Variants in PRR12 observed in about 807,000 individuals in gnomAD.
PRR12 encodes proline rich 12, also known as proline-rich protein 12.
In PRR12, 12 loss-of-function variants were observed where a neutral mutation model predicts 138.0. The observed-to-expected ratio is 0.09, with a 90% CI of 0.06 to 0.14. The LOEUF (loss-of-function observed/expected upper bound fraction) is 0.14, where lower values mean the gene tolerates loss of function less well. Ranked by LOEUF, PRR12 falls within the 10% of genes least tolerant of loss-of-function variation. The pLI is 1.00. For missense variants in PRR12, 2,692 were observed against 2,861.3 expected (o/e 0.94, Z 1.35); for synonymous variants, 1,567 against 1,291.7 (o/e 1.21, Z -4.57).
chr19:49,612,222 CTGTCTCA>C (rs1456464183), intron 6 of PRR12, among the ~76,000 whole-genome samples: 19 of 140,440 alleles, frequency 1.4e-4, no homozygotes, highest in East Asian at 1.3e-3. Flanking sequence ...GAGCAAGACT[CTGTCTCA>C]AAAAAAAAAA....
intron 11 of PRR12, chr19:49,621,903 T>C: frequency 2.1e-6 from 1 of 471,330 alleles, no homozygotes; most frequent in Non-Finnish European, 3.9e-6. Context: ...AAACATAGAC[T>C]AGGCCTGCAC....
rs775902776 is a variant in PRR12 at position 49,594,954 on chromosome 19, C to T, written c.619C>T (p.Arg207Cys). The T allele has an allele frequency of 6.2e-6, 10 of 1,600,932 alleles. No individual in the cohort carries two copies. Among genetic ancestry groups the T allele is most frequent in the South Asian group, 3.4e-5 (3 of 89,358 alleles). ...PTVPSSLGFE[R>C]LAGGGVLGPA... The stretch of plus-strand genomic sequence containing the variant: ...GGTGCCCTCTTCACTGGGCTTCGAG[C>T]GCCTGGCAGGGGGCGGTGTCTTGGG... Residue 207 changes from arginine (R) to cysteine (C), a missense_variant, in exon 4 of 14, where the codon CGC (arginine) becomes TGC (cysteine). Physicochemically the swap from Arg to Cys is radical, Grantham distance 180. Transcript: ENST00000418929. This position sits in a 1 kb window ranked among gnomAD's most constrained non-coding sequence, Gnocchi z 5.6.
chr19:49,592,783 T>C (rs958895331), intron 1 of PRR12, among the ~76,000 whole-genome samples: 1 of 152,010 alleles, frequency 6.6e-6, no homozygotes, highest in African/African-American at 2.4e-5. Flanking sequence ...TTTCCCCAGG[T>C]CTTATTCCCT....
rs979822954 is a variant in PRR12 at position 49,614,105 on chromosome 19, G to A, written c.4774-428G>A. On this transcript the variant is annotated intron_variant, in intron 6 of 13. Transcript: ENST00000418929. This position sits in a 1 kb window ranked among gnomAD's most constrained non-coding sequence, Gnocchi z 5.0. ...ACCTGGGCAACAAGAGCAAAACTCC[G>A]TCTCAAAAAAAGAAAAAGTAAAAAG... 5.9e-5 allele frequency among the ~76,000 whole-genome samples: 9 copies of A among 152,182 alleles called. No individual in the cohort carries two copies. In the South Asian group the frequency reaches 1.9e-3, roughly 32 times the overall value.
Position 49,622,928 on chromosome 19 carries a change from TAGAG to T in PRR12, c.5721+1332_5721+1335del, listed in dbSNP as rs1312571676. On this transcript the variant is annotated intron_variant, in intron 11 of 13. Transcript: ENST00000418929. Reference sequence around the variant, plus strand: ...AAAAACATATATATATATATATATATAGAGAGAGAGAGAGAGAGAGAGAGAGAGA... The same window carrying T: ...AAAAACATATATATATATATATATATAGAGAGAGAGAGAGAGAGAGAGAGA... 1.0e-2 allele frequency among the ~76,000 whole-genome samples: 777 copies of T among 77,730 alleles called. 8 individuals carry two copies. Among genetic ancestry groups the T allele is most frequent in the Middle Eastern group, 0.042 (5 of 118 alleles). The allele number at this position is 77,730 out of a possible 152,430, so 51.0% of individuals were successfully genotyped here. A position where few individuals can be genotyped will look rare whatever the true frequency, so the allele number is the denominator to read the frequency against.
At chr19:49,606,558 C>A (rs367579020) in intron 6 of PRR12, among the ~76,000 whole-genome samples, 1 of 151,296 alleles carries the variant, frequency 6.6e-6, no homozygotes, top group African/African-American at 2.4e-5. Context: ...CCGCCTCCCC[C>A]GCCCCCCAAC....
intron 2 of PRR12, among the ~76,000 whole-genome samples, chr19:49,593,857 T>A (rs1268168538): frequency 6.6e-6 from 1 of 152,216 alleles, no homozygotes; most frequent in Admixed American, 6.5e-5. Flanking sequence ...TATCTTATTT[T>A]GCCCCATTGC....
chr19:49,594,695 A>C lies in PRR12; in HGVS notation c.362-2A>C. 1 of 1,610,250 alleles carries C rather than the reference A, an allele frequency of 6.2e-7. No individual in the cohort carries two copies. The highest frequency in any genetic ancestry group is 1.7e-5 in the Admixed American group (1 of 59,500). ...CTGACGCGCGGTCTTCCTCATCTCC[A>C]GCCATGCACACGCCAGGCCCCACGG... On this transcript the variant is annotated splice_acceptor_variant, in intron 3 of 13. Transcript: ENST00000418929. LOFTEE classifies it high-confidence loss of function. This position sits in a 1 kb window ranked among gnomAD's most constrained non-coding sequence, Gnocchi z 5.6.
chr19:49,610,823 G>A (rs1330848887), intron 6 of PRR12, among the ~76,000 whole-genome samples: 1 of 151,924 alleles, frequency 6.6e-6, no homozygotes, highest in Non-Finnish European at 1.5e-5. Context: ...GATTACAGAT[G>A]TGAGCCACTG....
intron 11 of PRR12, among the ~76,000 whole-genome samples, chr19:49,623,943 G>A (rs939680317): frequency 3.3e-5 from 5 of 151,424 alleles, no homozygotes; most frequent in African/African-American, 1.2e-4. Context: ...GGTTAGGATG[G>A]GGCTGGGAAT....
chr19:49,614,804 A>G lies in PRR12; in HGVS notation c.4891-72A>G, dbSNP rs11878999. On this transcript the variant is annotated intron_variant, in intron 7 of 13. Coordinates refer to ENST00000418929, the MANE Select transcript of PRR12 (RefSeq NM_020719.3). This position sits in a 1 kb window ranked among gnomAD's most constrained non-coding sequence, Gnocchi z 5.0. The stretch of plus-strand genomic sequence containing the variant: ...CTCCAAGCAGCTGCCATGGTGGCCC[A>G]GGGCACGGGGGTGTTGGCCATCTGG... The G allele has an allele frequency of 3.9e-3, 6,219 of 1,603,898 alleles. 221 individuals carry two copies. In the African/African-American group the frequency reaches 0.071, roughly 18 times the overall value.
Position 49,593,361 on chromosome 19 carries a change from G to C in PRR12, c.121G>C (p.Glu41Gln). 6.2e-7 allele frequency: 1 copy of C among 1,607,582 alleles called. No individual in the cohort carries two copies. The highest frequency in any genetic ancestry group is 1.4e-5 in the African/African-American group (1 of 73,360). Reference sequence around the variant, plus strand: ...TGGCAGCTCCAGGACCTCGCACCCCGAGACGGACATCTTACACCGCCAGGC... The same window carrying C: ...TGGCAGCTCCAGGACCTCGCACCCCCAGACGGACATCTTACACCGCCAGGC... ...VYGSSRTSHP[E>Q]TDILHRQAYA... is the part of the protein sequence containing the mutation. Residue 41 changes from glutamate to glutamine, a missense_variant, in exon 2 of 14, where the codon GAG becomes CAG. Transcript: ENST00000418929.
Position 49,597,792 on chromosome 19 carries a change from C to A in PRR12, c.3457C>A (p.Arg1153=). 1.3e-6 allele frequency: 2 copies of A among 1,578,498 alleles called. No homozygotes were observed. Among genetic ancestry groups the A allele is most frequent in the East Asian group, 2.3e-5 (1 of 43,872 alleles). ...CPPNPGPDGP[R]RRGRKPTKAK... ...ACCCAACCCAGGACCCGATGGCCCC[C>A]GGCGCCGTGGCCGCAAGCCCACGAA... The change falls in exon 4 of 14, where the codon CGG becomes AGG. Residue 1153 remains arginine (R), a synonymous_variant. Coordinates refer to ENST00000418929, the MANE Select transcript of PRR12 (RefSeq NM_020719.3). This position sits in a 1 kb window ranked among gnomAD's most constrained non-coding sequence, Gnocchi z 6.3.
rs969165920 is a variant in PRR12 at position 49,626,256 on chromosome 19, T to A, written c.*649T>A. The stretch of plus-strand genomic sequence containing the variant: ...CCCACCCACTGCCCATCCCCCATTG[T>A]TGTCTGGATGTGGTTCTATTTTTTA... On this transcript the variant is annotated 3_prime_UTR_variant, in exon 14 of 14. Coordinates refer to ENST00000418929, the MANE Select transcript of PRR12 (RefSeq NM_020719.3). 2 of 151,702 alleles carry A rather than the reference T, an allele frequency of 1.3e-5. No individual in the cohort carries two copies. Among genetic ancestry groups the A allele is most frequent in the African/African-American group, 4.8e-5 (2 of 41,284 alleles). 9.4% of individuals were successfully genotyped at this position (151,702 alleles called of 1,614,324 possible).
At position 49,594,332 on chromosome 19, in the gene PRR12, G is replaced by C. The variant is rs548294642; in HGVS notation, c.200-122G>C. 1.9e-4 allele frequency: 161 copies of C among 834,660 alleles called. No individual in the cohort carries two copies. The highest frequency in any genetic ancestry group is 5.4e-6 in the Non-Finnish European group (3 of 551,766). 51.7% of individuals were successfully genotyped at this position (834,660 alleles called of 1,614,324 possible). On this transcript the variant is annotated intron_variant, in intron 2 of 13. Coordinates refer to ENST00000418929, the MANE Select transcript of PRR12 (RefSeq NM_020719.3). The surrounding 1 kb of genome is among the most constrained non-coding windows in gnomAD (Gnocchi z 5.6). ...TTCTATCCATCTTGTTTTTGAATTT[G>C]CCCTTTTCTCTCCCATCCCCTCCTT... is the stretch of plus-strand genomic sequence containing the variant.
intron 10 of PRR12, among the ~76,000 whole-genome samples, chr19:49,620,850 G>A (rs2080918935): frequency 6.7e-6 from 1 of 148,586 alleles, no homozygotes; most frequent in South Asian, 2.2e-4. Flanking sequence ...GAGGCGCTGG[G>A]GGCCTAGACT....
rs1446465070 is a variant in PRR12, at chr19:49,614,991, G to A, written c.5006G>A (p.Arg1669Gln). The A allele has an allele frequency of 3.1e-6, 5 of 1,613,828 alleles. No homozygotes were observed. Among genetic ancestry groups the A allele is most frequent in the South Asian group, 1.1e-5 (1 of 91,090 alleles). ...GTCTGTGCTCGGAAACCCTGGCATCGGCCCCCAGTGCCAGTCAGGTACCAA... is the reference window on the plus strand; with the variant it reads ...GTCTGTGCTCGGAAACCCTGGCATCAGCCCCCAGTGCCAGTCAGGTACCAA... ...VRVCARKPWHRPPVPVRRSGQ... is the reference protein window; with the variant it reads ...VRVCARKPWHQPPVPVRRSGQ... Residue 1669 changes from arginine (R) to glutamine (Q), a missense_variant, in exon 8 of 14, where the codon CGG becomes CAG. Arg to Gln is a conservative substitution (Grantham distance 43). This residue lies in a region of PRR12 where 259 missense variants were observed against 265.1 expected (regional missense o/e 0.98). Coordinates refer to ENST00000418929, the MANE Select transcript of PRR12 (RefSeq NM_020719.3). This position sits in a 1 kb window ranked among gnomAD's most constrained non-coding sequence, Gnocchi z 5.0.
rs1314272714 is a variant in PRR12 at position 49,597,879 on chromosome 19, C to G, written c.3544C>G (p.Pro1182Ala). 2 of 1,445,116 alleles carry G rather than the reference C, an allele frequency of 1.4e-6. No homozygotes were observed. The highest frequency in any genetic ancestry group is 1.8e-6 in the Non-Finnish European group (2 of 1,101,236). The allele number at this position is 1,445,116 out of a possible 1,614,324, so 89.5% of individuals were successfully genotyped here. A position where few individuals can be genotyped will look rare whatever the true frequency, so the allele number is the denominator to read the frequency against. ...GCCCCGGATCCGCCCCCTGGAGGTC[C>G]CGACCACTGCGGGGCCCGCCTCGGC... ...GRPRIRPLEV[P>A]TTAGPASAST... Residue 1182 changes from proline (P) to alanine (A), a missense_variant, in exon 4 of 14, where the codon CCG (proline) becomes GCG (alanine). Physicochemically the swap from Pro to Ala is conservative, Grantham distance 27. Transcript: ENST00000418929. This position sits in a 1 kb window ranked among gnomAD's most constrained non-coding sequence, Gnocchi z 6.3.
At chr19:49,591,878 G>C (rs2080730403) in intron 1 of PRR12, 138 bp downstream of exon 1, 3 of 472,942 alleles carry the variant, frequency 6.3e-6, no homozygotes, top group East Asian at 7.1e-5. Context: ...GGCCTTCCTC[G>C]GTTTGTAACA....
Sources: gnomAD v4.1 joint callset for allele counts (sites outside exome capture counted in the v4.1 genomes callset) on GRCh38, gnomAD v4.1.1 for gene constraint, gnomAD v4.1.1 regional missense constraint, Gnocchi (gnomAD v3.1) non-coding constraint, MANE v1.5 for transcripts, NCBI Gene and HGNC (gene_info 2026-07-23, HGNC 2026-07-21) for gene names.